POC1A: variants seen among roughly 807,000 people sequenced by gnomAD.
The protein encoded by POC1A is POC1 centriolar protein A, also known as POC1 centriolar protein homolog A.
A neutral mutation model predicts 47.8 loss-of-function variants in POC1A; 34 were observed. That is an observed-to-expected ratio of 0.71 (90% CI 0.54 to 0.95). The LOEUF is 0.95. Among genes scored for constraint, POC1A ranks in the 40% least tolerant of loss-of-function variants. POC1A has a pLI of 0.00. For missense variants in POC1A, 466 were observed against 528.3 expected, an observed-to-expected ratio of 0.88 and a Z score of 1.16; for synonymous variants, 177 against 207.6, an observed-to-expected ratio of 0.85 and a Z score of 1.27.
rs1702388681 is a variant in POC1A, at chr3:52,084,271, T to C, written c.1126-8286A>G. Among the ~76,000 whole-genome samples, 1 of 152,154 alleles carries C rather than the reference T, an allele frequency of 6.6e-6. No individual in the cohort carries two copies. The highest frequency in any genetic ancestry group is 2.1e-4 in the South Asian group (1 of 4,824). On this transcript the variant is annotated intron_variant, in intron 10 of 10. Coordinates refer to ENST00000296484, the MANE Select transcript of POC1A (RefSeq NM_015426.5). The surrounding 1 kb of genome is among the most constrained non-coding windows in gnomAD (Gnocchi z 4.3). ...GGTCCCTTCCAGGAGCTGCTCCTCC[T>C]CCCATGACCATTGTTGTCACCACCT...
rs548423272 is a variant in POC1A at position 52,127,994 on chromosome 3, C to T, written c.814-2813G>A. On this transcript the variant is annotated intron_variant, in intron 7 of 10. Transcript: ENST00000296484. ...TACAGGCATGAGCCACCGCACCTGGCCTACTTTGAATTTTTTAATAATGAA... is the reference window on the plus strand; with the variant it reads ...TACAGGCATGAGCCACCGCACCTGGTCTACTTTGAATTTTTTAATAATGAA... Among the ~76,000 whole-genome samples the T allele has an allele frequency of 3.3e-4, 50 of 152,264 alleles. No homozygotes were observed. The Middle Eastern group carries it at 0.01, about 31-fold the overall frequency.
chr3:52,079,465 C>T lies in POC1A; in HGVS notation c.1126-3480G>A, dbSNP rs949910340. ...TCTGCGGCCTCCCCGGGTCCACACT[C>T]CATGGCCTGGAAGCCACGACTTTCA... is the stretch of plus-strand genomic sequence containing the variant. On this transcript the variant is annotated intron_variant, in intron 10 of 10. Transcript: ENST00000296484. The surrounding 1 kb of genome is among the most constrained non-coding windows in gnomAD (Gnocchi z 4.6). 2.6e-5 allele frequency among the ~76,000 whole-genome samples: 4 copies of T among 152,272 alleles called. No individual in the cohort carries two copies. Among genetic ancestry groups the T allele is most frequent in the Non-Finnish European group, 4.4e-5 (3 of 68,052 alleles).
rs1702097333 is a variant in POC1A, at chr3:52,075,819, G to C, written c.*68C>G. Reference sequence around the variant, plus strand: ...AGTTCAGTCCCCTTTATTTACCCAAGTCCCATGGTACAAATCCCTGGCCTG... The same window carrying C: ...AGTTCAGTCCCCTTTATTTACCCAACTCCCATGGTACAAATCCCTGGCCTG... On this transcript the variant is annotated 3_prime_UTR_variant, in exon 11 of 11. Transcript: ENST00000296484. 8.7e-7 allele frequency: 1 copy of C among 1,143,688 alleles called. No individual in the cohort carries two copies. The highest frequency in any genetic ancestry group is 1.2e-5 in the South Asian group (1 of 81,338). The allele number at this position is 1,143,688 out of a possible 1,614,324, so 70.8% of individuals were successfully genotyped here. A position where few individuals can be genotyped will look rare whatever the true frequency, so the allele number is the denominator to read the frequency against.
intron 7 of POC1A, among the ~76,000 whole-genome samples, chr3:52,129,969 A>T (rs567798771): frequency 6.6e-6 from 1 of 152,162 alleles, no homozygotes; most frequent in Non-Finnish European, 1.5e-5. Context: ...TGGTGATTAG[A>T]TTTCACAGTC....
chr3:52,078,894 A>C (rs969734711), intron 10 of POC1A, among the ~76,000 whole-genome samples: 1 of 152,218 alleles, frequency 6.6e-6, no homozygotes, highest in Non-Finnish European at 1.5e-5. Context: ...TGGGCATCCA[A>C]GTGGCAAAGT....
chr3:52,141,306 G>T (rs1698186002), intron 6 of POC1A, among the ~76,000 whole-genome samples: 1 of 152,212 alleles, frequency 6.6e-6, no homozygotes, highest in Non-Finnish European at 1.5e-5. Context: ...CCAGCCAAGG[G>T]CCCAGAGAAA....
intron 5 of POC1A, 104 bp downstream of exon 5, chr3:52,146,883 TG>T: frequency 1.1e-6 from 1 of 890,958 alleles, no homozygotes; most frequent in Non-Finnish European, 1.9e-6. Context: ...ATAAGGCTGC[TG>T]GTCCCACGGC....
chr3:52,083,071 G>A (rs1702351861), intron 10 of POC1A, among the ~76,000 whole-genome samples: 1 of 152,182 alleles, frequency 6.6e-6, no homozygotes, highest in Admixed American at 6.5e-5. Flanking sequence ...GGTTTATGCA[G>A]CTCTGCTGGC....
intron 10 of POC1A, among the ~76,000 whole-genome samples, chr3:52,085,640 G>A (rs1477171484): frequency 6.6e-6 from 1 of 152,184 alleles, no homozygotes; most frequent in East Asian, 1.9e-4. Context: ...AAATGCCACT[G>A]AGGGATTCCT....
intron 6 of POC1A, among the ~76,000 whole-genome samples, chr3:52,139,822 TC>T (rs1698128770): frequency 6.6e-6 from 1 of 152,140 alleles, no homozygotes; most frequent in African/African-American, 2.4e-5. Flanking sequence ...AAGAGCATGT[TC>T]TAGGTGAAGC....
At chr3:52,132,881 C>T (rs537972848) in intron 7 of POC1A, among the ~76,000 whole-genome samples, 1 of 152,120 alleles carries the variant, frequency 6.6e-6, no homozygotes, top group African/African-American at 2.4e-5. Context: ...CCTGTCTCTA[C>T]TAAAAACGCA....
rs529930047 is a variant in POC1A at position 52,094,912 on chromosome 3, C to T, written c.1125+1657G>A. Among the ~76,000 whole-genome samples the T allele has an allele frequency of 4.0e-4, 61 of 152,284 alleles. 2 individuals are homozygous for T. Among genetic ancestry groups the T allele is most frequent in the South Asian group, 2.5e-3 (12 of 4,822 alleles). On this transcript the variant is annotated intron_variant, in intron 10 of 10. Coordinates refer to ENST00000296484, the MANE Select transcript of POC1A (RefSeq NM_015426.5). ...CAGGCCAGCCTTCACTTACTCTCTG[C>T]GATGCAAGTTTTTTAAAAGTTACTA...
chr3:52,077,458 T>C (rs9809254), intron 10 of POC1A, among the ~76,000 whole-genome samples: 23,892 of 152,232 alleles, frequency 0.16, 3,106 homozygotes, highest in African/African-American at 0.35. Context: ...CCCTTCTAAA[T>C]GGGCCAATCA....
chr3:52,144,267 C>T (rs1278784028), intron 6 of POC1A, among the ~76,000 whole-genome samples: 1 of 152,230 alleles, frequency 6.6e-6, no homozygotes, highest in East Asian at 1.9e-4. Flanking sequence ...CCCCAAGCCC[C>T]AGCCCTTCAC....
chr3:52,154,226 G>T, intron 1 of POC1A, 129 bp downstream of exon 1: 1 of 974,796 alleles, frequency 1.0e-6, no homozygotes. Context: ...ACAGTAAACT[G>T]GACCTGAAGA....
At chr3:52,116,131 C>A (rs914792861) in intron 9 of POC1A, among the ~76,000 whole-genome samples, 1 of 152,184 alleles carries the variant, frequency 6.6e-6, no homozygotes, top group Non-Finnish European at 1.5e-5. Flanking sequence ...GAACCCAGAT[C>A]TTAAAAATCC....
Position 52,086,239 on chromosome 3 carries a change from C to T in POC1A, c.1126-10254G>A, listed in dbSNP as rs1229015722. 2.3e-4 allele frequency among the ~76,000 whole-genome samples: 35 copies of T among 152,170 alleles called. 1 individual carries two copies. Among genetic ancestry groups the T allele is most frequent in the Admixed American group, 2.2e-3 (34 of 15,278 alleles). On this transcript the variant is annotated intron_variant, in intron 10 of 10. Transcript: ENST00000296484. Reference sequence around the variant, plus strand: ...GGGAGAGGGCGCAGTCACCCGGCCACACTGAGGACATTTGTGGCAGGCCAG... The same window carrying T: ...GGGAGAGGGCGCAGTCACCCGGCCATACTGAGGACATTTGTGGCAGGCCAG...
At chr3:52,154,209 T>C (rs967492542) in intron 1 of POC1A, 146 bp downstream of exon 1, 2 of 834,548 alleles carry the variant, frequency 2.4e-6, no homozygotes, top group South Asian at 3.3e-5. Context: ...CAGCGCCCCC[T>C]GCGCAGACAG....
chr3:52,083,640 A>G (rs1702369730), intron 10 of POC1A, among the ~76,000 whole-genome samples: 1 of 151,918 alleles, frequency 6.6e-6, no homozygotes, highest in Non-Finnish European at 1.5e-5. Flanking sequence ...AGGCCTCTTC[A>G]TTCCCTTTCC....
Sources: allele counts gnomAD v4.1 joint callset (sites outside exome capture counted in the v4.1 genomes callset), GRCh38; gene constraint gnomAD v4.1.1; non-coding constraint Gnocchi (gnomAD v3.1); transcripts MANE v1.5; gene names NCBI Gene and HGNC (gene_info 2026-07-23, HGNC 2026-07-21).